The following NPAS2 variants were observed in gnomAD, a reference collection of about 807,000 sequenced individuals.
The protein encoded by NPAS2 is neuronal PAS domain protein 2.
NPAS2 carries 23 observed loss-of-function variants against 107.5 expected under a neutral mutation model. The observed-to-expected ratio is 0.21, with a 90% CI of 0.15 to 0.30. The LOEUF is 0.30. NPAS2 is among the 10% of genes least tolerant of loss of function. NPAS2 has a pLI of 1.00. For synonymous variants in NPAS2, 403 were observed against 417.5 expected, an observed-to-expected ratio of 0.97 and a Z score of 0.42; for missense variants, 756 against 1,043.3, an observed-to-expected ratio of 0.72 and a Z score of 3.79.
intron 1 of NPAS2, among the ~76,000 whole-genome samples, chr2:100,859,187 C>T (rs542687152): frequency 3.3e-5 from 5 of 152,262 alleles, no homozygotes; most frequent in South Asian, 2.1e-4. Flanking sequence ...CGCCTGAACC[C>T]GAGAGGCGGA....
chr2:100,864,007 T>C (rs1679098194), intron 1 of NPAS2, among the ~76,000 whole-genome samples: 1 of 152,234 alleles, frequency 6.6e-6, no homozygotes, highest in Non-Finnish European at 1.5e-5. Context: ...AAAATATTTC[T>C]ATCATATCGA....
chr2:100,936,125 C>T (rs572065235), intron 4 of NPAS2, among the ~76,000 whole-genome samples: 16 of 152,168 alleles, frequency 1.1e-4, no homozygotes, highest in Non-Finnish European at 1.6e-4. Context: ...TACCAGCTGT[C>T]GGTGTAAAAT....
At chr2:100,960,870 ATGTTGAG>A (rs1675877457) in intron 7 of NPAS2, among the ~76,000 whole-genome samples, 2 of 152,130 alleles carry the variant, frequency 1.3e-5, no homozygotes, top group South Asian at 4.1e-4. Flanking sequence ...TGATAAACAC[ATGTTGAG>A]CACTTGTTGT....
At chr2:100,936,205 G>C (rs1034827582) in intron 4 of NPAS2, among the ~76,000 whole-genome samples, 15 of 152,196 alleles carry the variant, frequency 9.9e-5, no homozygotes, top group African/African-American at 3.4e-4. Flanking sequence ...GTATAAAGGT[G>C]CCCTTCATGC....
At chr2:100,832,385 C>T (rs2104372059) in intron 1 of NPAS2, among the ~76,000 whole-genome samples, 1 of 152,282 alleles carries the variant, frequency 6.6e-6, no homozygotes, top group South Asian at 2.1e-4. Flanking sequence ...CATGTTGTAC[C>T]TGCCCTGGCA....
intron 1 of NPAS2, among the ~76,000 whole-genome samples, chr2:100,896,811 T>C (rs910198136): frequency 2.6e-5 from 4 of 152,106 alleles, no homozygotes; most frequent in African/African-American, 9.7e-5. Context: ...GCTTTGTCCT[T>C]CCTTTCCTCC....
chr2:100,948,613 T>C (rs1675042139), intron 6 of NPAS2, among the ~76,000 whole-genome samples: 2 of 114,030 alleles, frequency 1.8e-5, no homozygotes, highest in South Asian at 6.2e-4. Flanking sequence ...GTGTATATGA[T>C]AAGATTTCTC....
At chr2:100,836,364 T>A (rs542780910) in intron 1 of NPAS2, among the ~76,000 whole-genome samples, 5 of 152,308 alleles carry the variant, frequency 3.3e-5, no homozygotes, top group African/African-American at 1.2e-4. Context: ...ATTTCTGTTT[T>A]GTTTTCTTCT....
At chr2:100,969,286 C>G (rs533747905) in intron 11 of NPAS2, among the ~76,000 whole-genome samples, 1 of 152,026 alleles carries the variant, frequency 6.6e-6, no homozygotes, top group Admixed American at 6.5e-5. Flanking sequence ...ACCTATCAAC[C>G]CATCATTTAG....
intron 1 of NPAS2, among the ~76,000 whole-genome samples, chr2:100,848,418 G>A (rs1034089646): frequency 2.0e-5 from 3 of 152,130 alleles, no homozygotes; most frequent in African/African-American, 7.2e-5. Flanking sequence ...AGCCTTGAGT[G>A]TTTGCCTTTC....
At chr2:100,931,058 C>T (rs356647) in intron 3 of NPAS2, among the ~76,000 whole-genome samples, 18,023 of 152,254 alleles carry the variant, frequency 0.12, 1,918 homozygotes, top group East Asian at 0.34. Flanking sequence ...CCCTCTCTTC[C>T]TTGCCTCAGC....
chr2:100,904,784 G>A lies in NPAS2; in HGVS notation c.30G>A (p.Lys10=), dbSNP rs774735398. MDEDEKDRA[K]RASRNKSEKK... The stretch of plus-strand genomic sequence containing the variant: ...ATGAAGATGAGAAAGACAGAGCCAA[G>A]AGGTAAGATGCAGCTGTCCCCCTGC... The change falls in exon 2 of 21, where the codon AAG becomes AAA. Residue 10 remains lysine, a splice_region_variant and synonymous_variant. Transcript: ENST00000335681. 3.0e-5 allele frequency: 48 copies of A among 1,604,900 alleles called. No homozygotes were observed. The East Asian group carries it at 8.5e-4, about 28-fold the overall frequency.
At chr2:100,902,280 G>A (rs980601957) in intron 1 of NPAS2, among the ~76,000 whole-genome samples, 1 of 152,148 alleles carries the variant, frequency 6.6e-6, no homozygotes, top group Non-Finnish European at 1.5e-5. Flanking sequence ...CGCAAGGGGG[G>A]ATGGACACCC....
chr2:100,913,536 A>G (rs1264841260), intron 2 of NPAS2, among the ~76,000 whole-genome samples: 2 of 152,264 alleles, frequency 1.3e-5, no homozygotes, highest in South Asian at 2.1e-4. Flanking sequence ...TAGTTTCCCA[A>G]TGGATACCAG....
intron 4 of NPAS2, among the ~76,000 whole-genome samples, chr2:100,933,566 T>C (rs886493926): frequency 1.8e-4 from 28 of 152,314 alleles, no homozygotes; most frequent in African/African-American, 6.3e-4. Flanking sequence ...TGTTCCTCCC[T>C]CTGGGTCAGA....
chr2:100,991,196 A>G (rs1481712641), intron 19 of NPAS2, among the ~76,000 whole-genome samples: 1 of 152,092 alleles, frequency 6.6e-6, no homozygotes, highest in Non-Finnish European at 1.5e-5. Flanking sequence ...CCCCTTCCCA[A>G]GGACCCTCCC....
chr2:100,918,303 G>A (rs2104851162), intron 2 of NPAS2, among the ~76,000 whole-genome samples: 1 of 152,086 alleles, frequency 6.6e-6, no homozygotes, highest in South Asian at 2.1e-4. Context: ...AAAACCATAA[G>A]AAGAAAAAAT....
chr2:100,987,842 G>T, intron 16 of NPAS2: 1 of 567,320 alleles, frequency 1.8e-6, no homozygotes, highest in Non-Finnish European at 3.2e-6. Context: ...TCAGTCACTT[G>T]CCTGTAACCT....
intron 4 of NPAS2, among the ~76,000 whole-genome samples, chr2:100,937,144 A>AAT (rs987454509): frequency 2.1e-4 from 32 of 152,166 alleles, no homozygotes; most frequent in African/African-American, 7.7e-4. Context: ...GACATTCTGA[A>AAT]ATGCTTACGG....
Sources: gnomAD v4.1 joint callset for allele counts (sites outside exome capture counted in the v4.1 genomes callset) on GRCh38, gnomAD v4.1.1 for gene constraint, MANE v1.5 for transcripts, NCBI Gene and HGNC (gene_info 2026-07-23, HGNC 2026-07-21) for gene names.